Variants in DNAJC13 observed in about 807,000 individuals in gnomAD.
The protein encoded by DNAJC13 is dnaJ homolog subfamily C member 13.
In DNAJC13, 75 loss-of-function variants were observed where a neutral mutation model predicts 290.5. The observed-to-expected ratio is 0.26, with a 90% confidence interval of 0.21 to 0.31. The LOEUF (loss-of-function observed/expected upper bound fraction) is 0.31. DNAJC13 is among the 10% of genes least tolerant of loss of function. The pLI is 1.00. For missense variants in DNAJC13, 2,260 were observed against 2,674.5 expected, an observed-to-expected ratio of 0.85 and a Z score of 3.42; for synonymous variants, 862 against 892.0, an observed-to-expected ratio of 0.97 and a Z score of 0.60.
chr3:132,503,228 C>A lies in DNAJC13; in HGVS notation c.4731C>A (p.Ser1577Arg), dbSNP rs971807075. ...TTTTATAACAGGAGGTAGCAAACAG[C>A]CTTGCCAAACTGAGTGTCCATGCTC... ...EETNQQEVAN[S>R]LAKLSVHALS... The change falls in exon 41 of 56, where the codon AGC (serine) becomes AGA (arginine). Residue 1577 changes from serine to arginine, a missense_variant. Ser to Arg is a moderately radical substitution (Grantham distance 110, BLOSUM62 -1). This residue lies in a region of DNAJC13 where 1,494 missense variants were observed against 1,693.7 expected (regional missense o/e 0.88). Coordinates refer to ENST00000260818, the MANE Select transcript of DNAJC13 (RefSeq NM_015268.4). 6.2e-7 allele frequency: 1 copy of A among 1,613,742 alleles called. No individual in the cohort carries two copies. Among genetic ancestry groups the A allele is most frequent in the Non-Finnish European group, 8.5e-7 (1 of 1,179,828 alleles).
At chr3:132,475,185 C>A in intron 22 of DNAJC13, 100 bp downstream of exon 22, 1 of 791,866 alleles carries the variant, frequency 1.3e-6, no homozygotes, top group Non-Finnish European at 1.8e-6. Context: ...CATATCTGGT[C>A]TTTACCTTTC....
Position 132,456,401 on chromosome 3 carries a change from A to G in DNAJC13, c.1099A>G (p.Asn367Asp), listed in dbSNP as rs772517883. ...CCTCAGGTTCTTAGCTACGCCTCCA[A>G]GTAAGTATTGATTTAAATGTAATTA... ...LHLRFLATPP[N>D]GNFADAVFRF... Residue 367 changes from asparagine to aspartate, a missense_variant and splice_region_variant, in exon 10 of 56, where the codon AAT (asparagine) becomes GAT (aspartate). This residue lies in a region of DNAJC13 where 762 missense variants were observed against 964.1 expected (regional missense o/e 0.79). Coordinates refer to ENST00000260818, the MANE Select transcript of DNAJC13 (RefSeq NM_015268.4). 2.5e-6 allele frequency: 4 copies of G among 1,612,452 alleles called. No homozygotes were observed. Among genetic ancestry groups the G allele is most frequent in the Admixed American group, 1.7e-5 (1 of 59,620 alleles).
chr3:132,435,781 T>C (rs543383769), intron 2 of DNAJC13, among the ~76,000 whole-genome samples: 1 of 152,320 alleles, frequency 6.6e-6, no homozygotes, highest in South Asian at 2.1e-4. Flanking sequence ...GTAGATTACT[T>C]TGGTCATCAT....
intron 1 of DNAJC13, among the ~76,000 whole-genome samples, chr3:132,426,763 G>C (rs559325406): frequency 6.6e-6 from 1 of 151,922 alleles, no homozygotes; most frequent in African/African-American, 2.4e-5. Context: ...AGGAAATATT[G>C]ACTGCAGATT....
intron 20 of DNAJC13, 50 bp from the exon 21 acceptor site, chr3:132,473,095 C>A: frequency 8.0e-7 from 1 of 1,242,978 alleles, no homozygotes; most frequent in South Asian, 1.3e-5. Flanking sequence ...TCTGACTAAG[C>A]CTATTTGGTA....
At chr3:132,470,920 G>A (rs1934212626) in intron 20 of DNAJC13, among the ~76,000 whole-genome samples, 1 of 130,398 alleles carries the variant, frequency 7.7e-6, no homozygotes, top group Non-Finnish European at 1.7e-5. Context: ...CCCGGACGGG[G>A]CGGCTGGCCG....
intron 46 of DNAJC13, 80 bp downstream of exon 46, chr3:132,514,750 C>G (rs1935872669): frequency 1.0e-6 from 1 of 986,414 alleles, no homozygotes; most frequent in African/African-American, 1.6e-5. Flanking sequence ...GATACAAAAC[C>G]TCAAACAAAT....
chr3:132,530,990 T>C lies in DNAJC13; in HGVS notation c.6526-8T>C, dbSNP rs368520995. 10 of 1,612,410 alleles carry C rather than the reference T, an allele frequency of 6.2e-6. No homozygotes were observed. The highest frequency in any genetic ancestry group is 8.5e-6 in the Non-Finnish European group (10 of 1,178,732). On this transcript the variant is annotated splice_polypyrimidine_tract_variant and splice_region_variant and intron_variant, in intron 54 of 55. Transcript: ENST00000260818. ...TTTATGTTCAAAGGGCTTGTTTTAC[T>C]TTCCTAGGTGAATGAAATCCTGTGC...
chr3:132,507,808 G>A (rs925790989), intron 43 of DNAJC13, among the ~76,000 whole-genome samples: 5 of 152,158 alleles, frequency 3.3e-5, no homozygotes, highest in African/African-American at 1.2e-4. Context: ...AATTAGGCCA[G>A]TTAATAACCC....
In DNAJC13 at chr3:132,500,791, C is replaced by T. The variant is rs1935383447; in HGVS notation, c.4417-3C>T. The T allele has an allele frequency of 1.9e-6, 3 of 1,613,524 alleles. No homozygotes were observed. Among genetic ancestry groups the T allele is most frequent in the Non-Finnish European group, 1.7e-6 (2 of 1,179,672 alleles). Reference sequence around the variant, plus strand: ...TTTTTTTGCTCTGTTGTGTTGTCTGCAGGTGTGTGGATACATAAGTAAATG... The same window carrying T: ...TTTTTTTGCTCTGTTGTGTTGTCTGTAGGTGTGTGGATACATAAGTAAATG... On this transcript the variant is annotated splice_polypyrimidine_tract_variant and splice_region_variant and intron_variant, in intron 38 of 55. Coordinates refer to ENST00000260818, the MANE Select transcript of DNAJC13 (RefSeq NM_015268.4).
intron 2 of DNAJC13, among the ~76,000 whole-genome samples, chr3:132,442,645 T>C (rs1933109197): frequency 6.6e-6 from 1 of 152,206 alleles, no homozygotes; most frequent in African/African-American, 2.4e-5. Flanking sequence ...TTAAGCAGCA[T>C]TTGTTTCCTG....
intron 48 of DNAJC13, among the ~76,000 whole-genome samples, chr3:132,518,603 C>A (rs62293979): frequency 1.3e-5 from 2 of 152,080 alleles, no homozygotes; most frequent in Non-Finnish European, 2.9e-5. Flanking sequence ...GTGATCCACC[C>A]GCCTTGGCCT....
chr3:132,466,199 T>A (rs1933974838), intron 18 of DNAJC13, 100 bp from the exon 19 acceptor site: 1 of 1,435,066 alleles, frequency 7.0e-7, no homozygotes, highest in Non-Finnish European at 9.6e-7. Flanking sequence ...TACCGTAAAG[T>A]TTTACCCTCA....
chr3:132,427,339 G>T (rs1183312077), intron 1 of DNAJC13, among the ~76,000 whole-genome samples: 1 of 151,926 alleles, frequency 6.6e-6, no homozygotes, highest in Non-Finnish European at 1.5e-5. Context: ...GTTTTGCCAT[G>T]TTGCCTGGGC....
Position 132,492,481 on chromosome 3 carries a change from A to C in DNAJC13, c.3691A>C (p.Arg1231=), listed in dbSNP as rs1321451928. ...DFTPRLQSNT[R]ALYQYCPIPI... The stretch of plus-strand genomic sequence containing the variant: ...CACACCTCGTCTTCAGAGTAACACA[A>C]GAGCACTTTATCAGTATTGCCCCAT... The change falls in exon 33 of 56, where the codon AGA becomes CGA. Residue 1231 remains arginine (R), a synonymous_variant. Coordinates refer to ENST00000260818, the MANE Select transcript of DNAJC13 (RefSeq NM_015268.4). 1 of 1,613,932 alleles carries C rather than the reference A, an allele frequency of 6.2e-7. No homozygotes were observed. Among genetic ancestry groups the C allele is most frequent in the African/African-American group, 1.3e-5 (1 of 75,010 alleles).
In DNAJC13 at chr3:132,466,295, T is replaced by G. The variant is rs755645955; in HGVS notation, c.1969-4T>G. On this transcript the variant is annotated splice_region_variant and splice_polypyrimidine_tract_variant and intron_variant, in intron 18 of 55. Coordinates refer to ENST00000260818, the MANE Select transcript of DNAJC13 (RefSeq NM_015268.4). ...TGTTTTGAAAATGGATTTTGTGTTT[T>G]TAGCCGCCAGGCTTGCTGGCATACT... is the stretch of plus-strand genomic sequence containing the variant. 1.2e-5 allele frequency: 19 copies of G among 1,576,962 alleles called. No homozygotes were observed. In the East Asian group the frequency reaches 1.3e-4, roughly 11 times the overall value.
intron 48 of DNAJC13, among the ~76,000 whole-genome samples, chr3:132,519,331 C>T (rs920303960): frequency 1.3e-5 from 2 of 152,186 alleles, no homozygotes; most frequent in African/African-American, 4.8e-5. Context: ...TGATGTGTTA[C>T]ATCATGGTTT....
At position 132,454,066 on chromosome 3, in the gene DNAJC13, G is replaced by T; in HGVS notation, c.841G>T (p.Val281Leu). ...NIATLKPLGE[V>L]FALVCDSENP... is the part of the protein sequence containing the mutation. ...AAGCTATTTTTTGTTTTTTCATTAG[G>T]TATTTGCGTTGGTCTGTGACTCAGA... Residue 281 changes from valine (V) to leucine (L), a missense_variant and splice_region_variant, in exon 9 of 56, where the codon GTA becomes TTA. By Grantham distance (32) the Val-to-Leu change is conservative. Coordinates refer to ENST00000260818, the MANE Select transcript of DNAJC13 (RefSeq NM_015268.4). The T allele has an allele frequency of 6.3e-7, 1 of 1,595,514 alleles. No individual in the cohort carries two copies. The highest frequency in any genetic ancestry group is 1.4e-5 in the African/African-American group (1 of 73,618).
At chr3:132,488,068 TTTTC>T (rs1279343190) in intron 29 of DNAJC13, among the ~76,000 whole-genome samples, 1 of 152,178 alleles carries the variant, frequency 6.6e-6, no homozygotes, top group Non-Finnish European at 1.5e-5. Flanking sequence ...ATGTTTGGGC[TTTTC>T]TGAATACATT....
Sources: allele counts gnomAD v4.1 joint callset (sites outside exome capture counted in the v4.1 genomes callset), GRCh38; gene constraint gnomAD v4.1.1; regional missense constraint gnomAD v4.1.1; transcripts MANE v1.5; gene names NCBI Gene and HGNC (gene_info 2026-07-23, HGNC 2026-07-21).